Variants in SERPINF1 observed in about 807,000 individuals in gnomAD.
The protein encoded by SERPINF1 is serpin family F member 1, also known as pigment epithelium-derived factor.
A neutral mutation model predicts 37.3 loss-of-function variants in SERPINF1; 29 were observed. That is an observed-to-expected ratio of 0.78 (90% CI 0.58 to 1.06). SERPINF1 has a LOEUF of 1.06. Ranked by LOEUF, SERPINF1 falls within the 50% of genes least tolerant of loss-of-function variation. The pLI, the probability that SERPINF1 is intolerant of heterozygous loss-of-function variation, is 0.00. For missense variants in SERPINF1, 553 were observed against 532.2 expected, an observed-to-expected ratio of 1.04 and a Z score of -0.38; for synonymous variants, 281 against 227.9, an observed-to-expected ratio of 1.23 and a Z score of -2.10.
At chr17:1,764,258 TA>T (rs1270427026) in intron 1 of SERPINF1, among the ~76,000 whole-genome samples, 2 of 152,264 alleles carry the variant, frequency 1.3e-5, no homozygotes, top group East Asian at 3.8e-4. Context: ...GAACTAGAAC[TA>T]ACAACTTCTC....
In SERPINF1 at chr17:1,777,443, CTAATATCCCAGTT is replaced by C; in HGVS notation, c.*4_*16del. On this transcript the variant is annotated stop_retained_variant and 3_prime_UTR_variant, in exon 8 of 8. Coordinates refer to ENST00000254722, the MANE Select transcript of SERPINF1 (RefSeq NM_002615.7). ...GCAAGATTCTGGACCCCAGGGGCCC[CTAATATCCCAGTT>C]TAATATTCCAATACCCTAGAAGAAA... 6.2e-7 allele frequency: 1 copy of C among 1,614,112 alleles called. No homozygotes were observed. The highest frequency in any genetic ancestry group is 8.5e-7 in the Non-Finnish European group (1 of 1,180,024).
At chr17:1,775,545 A>ATATT (rs1289667960) in intron 6 of SERPINF1, among the ~76,000 whole-genome samples, 1 of 133,126 alleles carries the variant, frequency 7.5e-6, no homozygotes, top group African/African-American at 3.7e-5. Flanking sequence ...AATCGTTGGC[A>ATATT]TCTTTTTTTT....
chr17:1,775,356 T>G (rs537874660), intron 6 of SERPINF1, among the ~76,000 whole-genome samples, 156 bp downstream of exon 6: 1 of 152,226 alleles, frequency 6.6e-6, no homozygotes, highest in African/African-American at 2.4e-5. Context: ...GTCTGAGCTT[T>G]CCTCCTCTTA....
At chr17:1,765,431 C>T (rs979482026) in intron 1 of SERPINF1, among the ~76,000 whole-genome samples, 1 of 151,976 alleles carries the variant, frequency 6.6e-6, no homozygotes, top group Non-Finnish European at 1.5e-5. Context: ...AAGTGATTCT[C>T]CTGCCTCAGC....
Position 1,772,671 on chromosome 17 carries a change from G to T in SERPINF1, c.643+596G>T, listed in dbSNP as rs180687257. On this transcript the variant is annotated intron_variant, in intron 5 of 7. Transcript: ENST00000254722. ...CCTTCCAGGTTCACACCATTCTCCT[G>T]CCTCGACCTCCCGAGTAGCTGGGAC... Among the ~76,000 whole-genome samples, 37 of 152,104 alleles carry T rather than the reference G, an allele frequency of 2.4e-4. No homozygotes were observed. In the East Asian group the frequency reaches 7.2e-3, roughly 30 times the overall value.
intron 1 of SERPINF1, among the ~76,000 whole-genome samples, chr17:1,764,374 C>T (rs1054571851): frequency 3.9e-5 from 6 of 152,180 alleles, no homozygotes; most frequent in Non-Finnish European, 5.9e-5. Context: ...TGGGGCTGGC[C>T]CCAGCCGGGT....
chr17:1,769,641 C>G (rs1188766849), intron 2 of SERPINF1: 1 of 605,856 alleles, frequency 1.7e-6, no homozygotes, highest in African/African-American at 1.9e-5. Flanking sequence ...AAAAAAACAG[C>G]TGATCTCTCT....
In SERPINF1 at chr17:1,777,454, G is replaced by C. The variant is rs1215200478; in HGVS notation, c.*8G>C. ...GACCCCAGGGGCCCCTAATATCCCA[G>C]TTTAATATTCCAATACCCTAGAAGA... On this transcript the variant is annotated 3_prime_UTR_variant, in exon 8 of 8. Coordinates refer to ENST00000254722, the MANE Select transcript of SERPINF1 (RefSeq NM_002615.7). The C allele has an allele frequency of 6.2e-7, 1 of 1,613,966 alleles. No individual in the cohort carries two copies. Among genetic ancestry groups the C allele is most frequent in the Non-Finnish European group, 8.5e-7 (1 of 1,180,018 alleles).
chr17:1,771,287 T>A, intron 4 of SERPINF1, 103 bp downstream of exon 4: 1 of 1,254,900 alleles, frequency 8.0e-7, no homozygotes, highest in Non-Finnish European at 1.1e-6. Context: ...CTCGCTCTGT[T>A]GCCCAGGCTG....
chr17:1,763,183 G>A (rs1420285096), intron 1 of SERPINF1, among the ~76,000 whole-genome samples: 1 of 152,184 alleles, frequency 6.6e-6, no homozygotes, highest in African/African-American at 2.4e-5. Flanking sequence ...CCTTCCCCAT[G>A]CTATCTCCGA....
chr17:1,771,893 T>G lies in SERPINF1; in HGVS notation c.461T>G (p.Phe154Cys). Residue 154 changes from phenylalanine (F) to cysteine (C), a missense_variant, in exon 5 of 8, where the codon TTT becomes TGT. Phe to Cys is a radical substitution (Grantham distance 205). Coordinates refer to ENST00000254722, the MANE Select transcript of SERPINF1 (RefSeq NM_002615.7). ...TCAGAGCTGCGCATAAAATCCAGCT[T>G]TGTGGCACCTCTGGAAAAGTCATAT... The part of the protein sequence containing the change: ...FEKKLRIKSS[F>C]VAPLEKSYGT... The G allele has an allele frequency of 6.2e-7, 1 of 1,613,468 alleles. No individual in the cohort carries two copies. The highest frequency in any genetic ancestry group is 8.5e-7 in the Non-Finnish European group (1 of 1,179,978).
At chr17:1,773,393 C>A (rs376230411) in intron 5 of SERPINF1, among the ~76,000 whole-genome samples, 2 of 152,216 alleles carry the variant, frequency 1.3e-5, no homozygotes, top group Admixed American at 6.5e-5. Flanking sequence ...TTACAGGCGC[C>A]CGCCACCACA....
rs1469446156 is a variant in SERPINF1, at chr17:1,771,894, T to C, written c.462T>C (p.Phe154=). The change falls in exon 5 of 8, where the codon TTT becomes TTC. Residue 154 remains phenylalanine, a synonymous_variant. Transcript: ENST00000254722. ...CAGAGCTGCGCATAAAATCCAGCTTTGTGGCACCTCTGGAAAAGTCATATG... is the reference window on the plus strand; with the variant it reads ...CAGAGCTGCGCATAAAATCCAGCTTCGTGGCACCTCTGGAAAAGTCATATG... ...FEKKLRIKSS[F]VAPLEKSYGT... 1.2e-6 allele frequency: 2 copies of C among 1,613,440 alleles called. No homozygotes were observed. The highest frequency in any genetic ancestry group is 1.7e-6 in the Non-Finnish European group (2 of 1,179,986).
chr17:1,769,583 C>T (rs2151207082), intron 2 of SERPINF1: 2 of 518,342 alleles, frequency 3.9e-6, no homozygotes, highest in East Asian at 3.5e-5. Context: ...GAGATCGCGC[C>T]ACTGAACTCT....
intron 1 of SERPINF1, among the ~76,000 whole-genome samples, chr17:1,764,993 G>A (rs1243578042): frequency 1.3e-5 from 2 of 151,610 alleles, no homozygotes; most frequent in East Asian, 1.9e-4. Context: ...ACAGGCATGC[G>A]CCACCACACC....
intron 6 of SERPINF1, 82 bp downstream of exon 6, chr17:1,775,282 C>A: frequency 7.1e-7 from 1 of 1,408,490 alleles, no homozygotes; most frequent in Non-Finnish European, 9.8e-7. Context: ...AATAAAATGA[C>A]CTTTGAGATC....
chr17:1,766,825 C>A, intron 1 of SERPINF1, 78 bp from the exon 2 acceptor site: 2 of 1,405,168 alleles, frequency 1.4e-6, no homozygotes, highest in South Asian at 1.2e-5. Context: ...TGGGTCCTGG[C>A]TGGGGTGGCC....
chr17:1,768,630 C>T (rs150366428), intron 2 of SERPINF1, among the ~76,000 whole-genome samples: 17 of 150,508 alleles, frequency 1.1e-4, no homozygotes, highest in East Asian at 6.1e-4. Flanking sequence ...CGTTCCACCA[C>T]GCCCAGCTAA....
In SERPINF1 at chr17:1,776,151, C is replaced by T. The variant is rs2020976; in HGVS notation, c.787-381C>T. Among the ~76,000 whole-genome samples the T allele has an allele frequency of 0.28, 41,842 of 151,968 alleles. 6,279 individuals are homozygous for T. Among genetic ancestry groups the T allele is most frequent in the East Asian group, 0.37 (1,925 of 5,138 alleles). On this transcript the variant is annotated intron_variant, in intron 6 of 7. Transcript: ENST00000254722. ...ACGGCCCCTTCGGTATTCCTATCCC[C>T]GGTTCTCCCTGTCTTAGTCCAGTGC...
Sources: gnomAD v4.1 joint callset for allele counts (sites outside exome capture counted in the v4.1 genomes callset) on GRCh38, gnomAD v4.1.1 for gene constraint, MANE v1.5 for transcripts, NCBI Gene and HGNC (gene_info 2026-07-23, HGNC 2026-07-21) for gene names.